Variants in MOV10L1 observed in about 807,000 individuals in gnomAD.
The protein encoded by MOV10L1 is Mov10 like RNA helicase 1, also known as RNA helicase Mov10l1.
Under a neutral mutation model 143.8 loss-of-function variants are expected in MOV10L1, and 110 were observed. The ratio of observed to expected loss-of-function variants is 0.76; its 90% CI spans 0.66 to 0.90. MOV10L1 has a LOEUF of 0.90. Among genes scored for constraint, MOV10L1 ranks in the 40% least tolerant of loss-of-function variants. The pLI is 0.00. For synonymous variants in MOV10L1, 593 were observed against 581.1 expected, an observed-to-expected ratio of 1.02 and a Z score of -0.29; for missense variants, 1,406 against 1,526.8, an observed-to-expected ratio of 0.92 and a Z score of 1.32.
At chr22:50,154,559 C>T (rs2063378898) in intron 22 of MOV10L1, among the ~76,000 whole-genome samples, 1 of 152,052 alleles carries the variant, frequency 6.6e-6, no homozygotes, top group African/African-American at 2.4e-5. Flanking sequence ...CAGAGTGAGA[C>T]CCTGACTCTA....
intron 16 of MOV10L1, 21 bp downstream of exon 16, chr22:50,142,210 A>C (rs2063009026): frequency 6.3e-7 from 1 of 1,584,344 alleles, no homozygotes; most frequent in South Asian, 1.1e-5. Flanking sequence ...ATGAGGGGCA[A>C]GGAGAAGAGC....
Position 50,143,148 on chromosome 22 carries a change from G to A in MOV10L1, c.2285G>A (p.Arg762His), listed in dbSNP as rs140536899. ...AAAAGGATTCTGAGTGGTGACTGCC[G>A]TCCCCTCCCGTATATTCTCTTTGGA... ...AVKRILSGDC[R>H]PLPYILFGPP... is the part of the protein sequence containing the mutation. Residue 762 changes from arginine (R) to histidine (H), a missense_variant, in exon 17 of 27, where the codon CGT becomes CAT. Transcript: ENST00000262794. 13 of 1,614,032 alleles carry A rather than the reference G, an allele frequency of 8.1e-6. No homozygotes were observed. The highest frequency in any genetic ancestry group is 1.0e-5 in the Non-Finnish European group (12 of 1,179,940).
chr22:50,157,545 G>C (rs967949827), intron 22 of MOV10L1, among the ~76,000 whole-genome samples: 1 of 151,962 alleles, frequency 6.6e-6, no homozygotes, highest in Non-Finnish European at 1.5e-5. Flanking sequence ...CATCCTTTCC[G>C]TGTGGCTCTC....
intron 17 of MOV10L1, 146 bp from the exon 18 acceptor site, chr22:50,143,951 G>T: frequency 9.7e-7 from 1 of 1,027,396 alleles, no homozygotes; most frequent in South Asian, 1.6e-5. Flanking sequence ...CAGAGTCGTG[G>T]CCCAGGTCTC....
intron 2 of MOV10L1, among the ~76,000 whole-genome samples, chr22:50,098,526 G>T (rs1220952300): frequency 6.6e-6 from 1 of 151,990 alleles, no homozygotes; most frequent in East Asian, 1.9e-4. Context: ...CATTTTTCTT[G>T]ATTTCCTTTT....
chr22:50,154,732 G>T (rs932772190), intron 22 of MOV10L1, among the ~76,000 whole-genome samples: 2 of 152,120 alleles, frequency 1.3e-5, no homozygotes, highest in South Asian at 4.1e-4. Context: ...GTTTCTGATC[G>T]TTCTTGTCTT....
chr22:50,125,647 CA>C, intron 11 of MOV10L1, 78 bp downstream of exon 11: 3 of 1,392,682 alleles, frequency 2.2e-6, no homozygotes, highest in Non-Finnish European at 2.9e-6. Context: ...CTTTAACTGG[CA>C]ATATGACAGT....
intron 5 of MOV10L1, among the ~76,000 whole-genome samples, chr22:50,112,178 C>T (rs1203891636): frequency 6.6e-6 from 1 of 152,226 alleles, no homozygotes; most frequent in Non-Finnish European, 1.5e-5. Context: ...CCCACTGGAC[C>T]ACGCTTTCCT....
At position 50,156,982 on chromosome 22, in the gene MOV10L1, G is replaced by A. The variant is rs145355175; in HGVS notation, c.3067-1075G>A. 2.1e-3 allele frequency among the ~76,000 whole-genome samples: 316 copies of A among 152,248 alleles called. 1 individual carries two copies. Among genetic ancestry groups the A allele is most frequent in the Non-Finnish European group, 3.6e-3 (245 of 68,016 alleles). ...CATTCCACACCCCACCAACAGTGCC[G>A]CAGGGTTCCAGTTTCCCCACATCCT... On this transcript the variant is annotated intron_variant, in intron 22 of 26. Transcript: ENST00000262794.
At chr22:50,141,119 T>C (rs1428781554) in intron 15 of MOV10L1, among the ~76,000 whole-genome samples, 1 of 152,056 alleles carries the variant, frequency 6.6e-6, no homozygotes, top group Non-Finnish European at 1.5e-5. Context: ...GGCACGATCT[T>C]GGCTCACTGC....
chr22:50,125,890 C>G (rs974788168), intron 11 of MOV10L1, among the ~76,000 whole-genome samples: 1 of 151,934 alleles, frequency 6.6e-6, no homozygotes, highest in Non-Finnish European at 1.5e-5. Flanking sequence ...CGGGTTCACG[C>G]CGTTCTCCTG....
intron 16 of MOV10L1, among the ~76,000 whole-genome samples, chr22:50,142,739 CGTG>C (rs2063026662): frequency 1.3e-5 from 2 of 151,352 alleles, no homozygotes; most frequent in African/African-American, 2.4e-5. Flanking sequence ...GGGAGGCTGA[CGTG>C]GGAGGATCGC....
chr22:50,145,153 G>T (rs983275716), intron 18 of MOV10L1, among the ~76,000 whole-genome samples: 8 of 151,688 alleles, frequency 5.3e-5, no homozygotes, highest in African/African-American at 1.9e-4. Context: ...TGTTGGTCAG[G>T]CTGGTCACGA....
rs146380250 is a variant in MOV10L1, at chr22:50,099,599, G to A, written c.439G>A (p.Glu147Lys). The change falls in exon 3 of 27, where the codon GAA becomes AAA. Residue 147 changes from glutamate (E) to lysine (K), a missense_variant. Glu to Lys is a moderately conservative substitution (Grantham distance 56). Around this residue, in one of 3 missense-constraint regions of MOV10L1, gnomAD observed 1,233 missense variants for 1,351.4 expected, o/e 0.91. Transcript: ENST00000262794. ...CTACTTCTCTCTGGAGAGTGTGTGC[G>A]AAGGTATGCTCAGGGGTCTGTGTTC... ...TTYFSLESVC[E>K]GFEPCKGDWV... 22 of 1,608,908 alleles carry A rather than the reference G, an allele frequency of 1.4e-5. No individual in the cohort carries two copies. Among genetic ancestry groups the A allele is most frequent in the Non-Finnish European group, 1.7e-5 (20 of 1,175,680 alleles).
intron 13 of MOV10L1, among the ~76,000 whole-genome samples, chr22:50,129,345 A>G (rs1482957606): frequency 6.6e-6 from 1 of 152,180 alleles, no homozygotes; most frequent in Non-Finnish European, 1.5e-5. Flanking sequence ...CTAGTCATGC[A>G]CAAAAAATGT....
intron 19 of MOV10L1, chr22:50,149,303 C>A (rs908590404): frequency 3.0e-6 from 1 of 338,082 alleles, no homozygotes. Flanking sequence ...GAGCCTGCGG[C>A]GCTTCTCCTG....
At chr22:50,144,071 T>C in intron 17 of MOV10L1, 26 bp from the exon 18 acceptor site, 1 of 1,592,738 alleles carries the variant, frequency 6.3e-7, no homozygotes, top group Non-Finnish European at 8.6e-7. Flanking sequence ...TGTTGAGCCT[T>C]GGTCTCTTGT....
At chr22:50,107,977 G>A (rs1457243129) in intron 3 of MOV10L1, among the ~76,000 whole-genome samples, 159 bp from the exon 4 acceptor site, 1 of 152,030 alleles carries the variant, frequency 6.6e-6, no homozygotes, top group Admixed American at 6.6e-5. Context: ...AATACTTCAG[G>A]GTTTTTTATT....
rs1452778104 is a variant in MOV10L1 at position 50,151,010 on chromosome 22, G to C, written c.2892+111G>C. 2.2e-6 allele frequency: 3 copies of C among 1,352,256 alleles called. No individual in the cohort carries two copies. In the East Asian group the frequency reaches 7.4e-5, roughly 33 times the overall value. The allele number at this position is 1,352,256 out of a possible 1,614,324, so 83.8% of individuals were successfully genotyped here. A position where few individuals can be genotyped will look rare whatever the true frequency, so the allele number is the denominator to read the frequency against. On this transcript the variant is annotated intron_variant, in intron 21 of 26. Coordinates refer to ENST00000262794, the MANE Select transcript of MOV10L1 (RefSeq NM_018995.3). ...CCTGAGTCATCTCCATCCGTGGGCAGAGTGCAGGGGAGCACCCACCATAGC... is the reference window on the plus strand; with the variant it reads ...CCTGAGTCATCTCCATCCGTGGGCACAGTGCAGGGGAGCACCCACCATAGC...
Sources: gnomAD v4.1 joint callset for allele counts (sites outside exome capture counted in the v4.1 genomes callset) on GRCh38, gnomAD v4.1.1 for gene constraint, gnomAD v4.1.1 regional missense constraint, MANE v1.5 for transcripts, NCBI Gene and HGNC (gene_info 2026-07-23, HGNC 2026-07-21) for gene names.